Variants in BRINP1 observed in about 807,000 individuals in gnomAD.
The protein encoded by BRINP1 is BMP/retinoic acid inducible neural specific 1.
BRINP1 carries 17 observed loss-of-function variants against 72.9 expected under a neutral mutation model. The ratio of observed to expected loss-of-function variants is 0.23; its 90% confidence interval spans 0.16 to 0.35. The LOEUF (loss-of-function observed/expected upper bound fraction) is 0.35. Ranked by LOEUF, BRINP1 falls within the 10% of genes least tolerant of loss-of-function variation. The pLI is 1.00. For synonymous variants in BRINP1, 418 were observed against 378.5 expected (o/e 1.10, Z -1.21); for missense variants, 850 against 1,001.6 (o/e 0.85, Z 2.04).
intron 2 of BRINP1, among the ~76,000 whole-genome samples, chr9:119,252,432 T>C (rs894522640): frequency 2.6e-5 from 4 of 152,104 alleles, no homozygotes; most frequent in Non-Finnish European, 5.9e-5. Flanking sequence ...AAAGAGTATT[T>C]CCTTATCAGC....
At chr9:119,231,698 G>C (rs1488695842) in intron 5 of BRINP1, among the ~76,000 whole-genome samples, 1 of 151,992 alleles carries the variant, frequency 6.6e-6, no homozygotes, top group African/African-American at 2.4e-5. Flanking sequence ...CGCAGTTACT[G>C]CTGTCTCTGT....
At chr9:119,183,911 G>A (rs759067664) in intron 7 of BRINP1, among the ~76,000 whole-genome samples, 5 of 152,142 alleles carry the variant, frequency 3.3e-5, no homozygotes, top group Admixed American at 1.3e-4. Flanking sequence ...CCATGCGTGA[G>A]TTTGTTGGCA....
chr9:119,228,335 T>C (rs775783953), intron 5 of BRINP1, among the ~76,000 whole-genome samples: 3 of 152,056 alleles, frequency 2.0e-5, no homozygotes, highest in Non-Finnish European at 4.4e-5. Context: ...ATATTATATA[T>C]AATTCCTATG....
intron 5 of BRINP1, among the ~76,000 whole-genome samples, chr9:119,230,445 T>C (rs1030094181): frequency 1.3e-5 from 2 of 151,922 alleles, no homozygotes; most frequent in Non-Finnish European, 2.9e-5. Flanking sequence ...TTGACCCTCA[T>C]TGTACTGATC....
At chr9:119,249,596 T>G (rs1326386471) in intron 2 of BRINP1, among the ~76,000 whole-genome samples, 1 of 152,088 alleles carries the variant, frequency 6.6e-6, no homozygotes, top group Non-Finnish European at 1.5e-5. Flanking sequence ...ACTAGCCCTG[T>G]GCCAGGGGAT....
chr9:119,276,240 CAGTT>C (rs1277873506), intron 2 of BRINP1, among the ~76,000 whole-genome samples: 1 of 152,172 alleles, frequency 6.6e-6, no homozygotes, highest in Non-Finnish European at 1.5e-5. Flanking sequence ...TTCCTAATGA[CAGTT>C]AATTTATGTT....
intron 1 of BRINP1, among the ~76,000 whole-genome samples, chr9:119,314,228 G>C (rs1328923129): frequency 6.6e-6 from 1 of 152,234 alleles, no homozygotes; most frequent in Non-Finnish European, 1.5e-5. Context: ...TTATTAGGGG[G>C]TCTTATGGCA....
chr9:119,311,787 T>C (rs1831071867), intron 2 of BRINP1, among the ~76,000 whole-genome samples: 1 of 151,966 alleles, frequency 6.6e-6, no homozygotes, highest in African/African-American at 2.4e-5. Context: ...TAACGAAAAA[T>C]GTTTGGAAAA....
intron 1 of BRINP1, among the ~76,000 whole-genome samples, chr9:119,326,738 A>G (rs1291481120): frequency 6.6e-6 from 1 of 152,148 alleles, no homozygotes; most frequent in Non-Finnish European, 1.5e-5. Context: ...CTCTATTTTA[A>G]TTGGCTCTCA....
At chr9:119,356,874 T>A (rs1412766557) in intron 1 of BRINP1, among the ~76,000 whole-genome samples, 1 of 151,968 alleles carries the variant, frequency 6.6e-6, no homozygotes, top group Non-Finnish European at 1.5e-5. Context: ...GTATACTCAA[T>A]ATAGATTTCC....
intron 2 of BRINP1, among the ~76,000 whole-genome samples, chr9:119,278,586 T>C (rs961940318): frequency 6.6e-6 from 1 of 152,206 alleles, no homozygotes; most frequent in Non-Finnish European, 1.5e-5. Context: ...ACCTTGCATC[T>C]TTTTTTAAAA....
chr9:119,271,984 A>G (rs967757762), intron 2 of BRINP1, among the ~76,000 whole-genome samples: 3 of 151,608 alleles, frequency 2.0e-5, no homozygotes, highest in African/African-American at 7.3e-5. Context: ...TATAGGCATA[A>G]TCTTGTTTCC....
Position 119,369,375 on chromosome 9 carries a change from C to G in BRINP1, c.-370G>C, listed in dbSNP as rs1337264117. The G allele has an allele frequency of 2.5e-6, 1 of 397,418 alleles. No individual in the cohort carries two copies. The allele number at this position is 397,418 out of a possible 1,614,324, so 24.6% of individuals were successfully genotyped here. A position where few individuals can be genotyped will look rare whatever the true frequency, so the allele number is the denominator to read the frequency against. The stretch of plus-strand genomic sequence containing the variant: ...CGGGTTCGCTCGCCTGCGCTCTCCT[C>G]CTCCCCGCGCGCCAGATCAGTTTGC... On this transcript the variant is annotated 5_prime_UTR_variant, in exon 1 of 8. Transcript: ENST00000265922.
intron 1 of BRINP1, among the ~76,000 whole-genome samples, chr9:119,358,811 C>T (rs544407325): frequency 1.2e-4 from 19 of 152,316 alleles, no homozygotes; most frequent in African/African-American, 3.6e-4. Context: ...ATCTATATCT[C>T]ATTTCTGGCC....
chr9:119,233,852 G>C (rs1228461708), intron 5 of BRINP1, among the ~76,000 whole-genome samples: 1 of 151,992 alleles, frequency 6.6e-6, no homozygotes, highest in Non-Finnish European at 1.5e-5. Context: ...CCGTGTATTT[G>C]TTTTTACTTT....
intron 7 of BRINP1, 26 bp from the exon 8 acceptor site, chr9:119,168,250 AGGTTAGCTACCATGAGTG>A (rs1340162380): frequency 6.8e-7 from 1 of 1,478,048 alleles, no homozygotes; most frequent in Non-Finnish European, 9.0e-7. Flanking sequence ...AAATTGGAGA[AGGTTAGCTACCATGAGTG>A]GGTCTGTGAG....
chr9:119,274,145 C>A (rs1830632016), intron 2 of BRINP1, among the ~76,000 whole-genome samples: 1 of 152,168 alleles, frequency 6.6e-6, no homozygotes, highest in Non-Finnish European at 1.5e-5. Context: ...GAGTCATTCT[C>A]CAGGTTGCCC....
intron 1 of BRINP1, among the ~76,000 whole-genome samples, chr9:119,343,311 T>C (rs1242483569): frequency 6.6e-6 from 1 of 152,140 alleles, no homozygotes; most frequent in African/African-American, 2.4e-5. Flanking sequence ...GAACAACCGA[T>C]TAAAAACACA....
chr9:119,269,015 C>T (rs1223424160), intron 2 of BRINP1, among the ~76,000 whole-genome samples: 1 of 152,200 alleles, frequency 6.6e-6, no homozygotes, highest in Non-Finnish European at 1.5e-5. Flanking sequence ...AGCTGTGTGA[C>T]TTTGCAGTGG....
Sources: allele counts gnomAD v4.1 joint callset (sites outside exome capture counted in the v4.1 genomes callset), GRCh38; gene constraint gnomAD v4.1.1; transcripts MANE v1.5; gene names NCBI Gene and HGNC (gene_info 2026-07-23, HGNC 2026-07-21).